EEF2K: variants seen among roughly 807,000 people sequenced by gnomAD.
EEF2K encodes the protein alternative protein EEF2K.
EEF2K carries 70 observed loss-of-function variants against 93.8 expected under a neutral mutation model. The ratio of observed to expected loss-of-function variants is 0.75; its 90% CI spans 0.62 to 0.91. The LOEUF is 0.91. Among genes scored for constraint, EEF2K ranks in the 40% least tolerant of loss-of-function variants. EEF2K has a pLI of 0.00. For missense variants in EEF2K, 935 were observed against 972.9 expected, an observed-to-expected ratio of 0.96 and a Z score of 0.52; for synonymous variants, 376 against 380.8, an observed-to-expected ratio of 0.99 and a Z score of 0.15.
In EEF2K at chr16:22,266,526, TA is replaced by T; in HGVS notation, c.1575+3del. 1 of 1,614,096 alleles carries T rather than the reference TA, an allele frequency of 6.2e-7. No individual in the cohort carries two copies. Among genetic ancestry groups the T allele is most frequent in the Non-Finnish European group, 8.5e-7 (1 of 1,179,982 alleles). On this transcript the variant is annotated splice_donor_region_variant and intron_variant, in intron 14 of 17. Transcript: ENST00000263026. ...ATCGGGAAGTCCATTTTGGGGAAGG[TA>T]TCGGCGATGCCCATTTTGGAGCCCT...
chr16:22,261,597 C>T (rs1015142273), intron 11 of EEF2K, among the ~76,000 whole-genome samples: 3 of 147,974 alleles, frequency 2.0e-5, no homozygotes, highest in East Asian at 2.0e-4. Flanking sequence ...GGCTGAGGCA[C>T]GAGAATTTCT....
In EEF2K at chr16:22,266,914, G is replaced by A. The variant is rs1243389002; in HGVS notation, c.1764+38G>A. The A allele has an allele frequency of 1.9e-6, 3 of 1,571,000 alleles. No individual in the cohort carries two copies. The Admixed American group carries it at 5.3e-5, about 28-fold the overall frequency. On this transcript the variant is annotated intron_variant, in intron 15 of 17. Transcript: ENST00000263026. ...CGGGGACCCAGCTGCAGGTGGGGGT[G>A]GGACTTGGTCACCCTGTGGTTCACC...
At chr16:22,241,490 C>A (rs1428881492) in intron 2 of EEF2K, among the ~76,000 whole-genome samples, 2 of 151,406 alleles carry the variant, frequency 1.3e-5, no homozygotes, top group Non-Finnish European at 2.9e-5. Flanking sequence ...ACTAAAAATA[C>A]AAAAATTAGC....
At chr16:22,270,965 G>GT (rs2047574851) in intron 15 of EEF2K, among the ~76,000 whole-genome samples, 1 of 142,794 alleles carries the variant, frequency 7.0e-6, no homozygotes, top group Non-Finnish European at 1.5e-5. Context: ...TACATATTTT[G>GT]TTTTTCTTTT....
rs1352530309 is a variant in EEF2K, at chr16:22,256,957, C to G, written c.768+60C>G. 4.4e-6 allele frequency: 7 copies of G among 1,598,696 alleles called. No homozygotes were observed. In the Admixed American group the frequency reaches 6.8e-5, roughly 15 times the overall value. On this transcript the variant is annotated intron_variant, in intron 7 of 17. Transcript: ENST00000263026. ...ACAGCCCTTGGGGTGAGATCCTGGC[C>G]AGGCTCAGCCCCTAAAGAGGAAGGT...
At chr16:22,211,570 A>G (rs1051835535) in intron 1 of EEF2K, among the ~76,000 whole-genome samples, 1 of 151,924 alleles carries the variant, frequency 6.6e-6, no homozygotes, top group African/African-American at 2.4e-5. Context: ...AGTGATTCTC[A>G]TGCTTCAGCC....
In EEF2K at chr16:22,286,623, A is replaced by G. The variant is rs1289509099; in HGVS notation, c.*2627A>G. On this transcript the variant is annotated 3_prime_UTR_variant, in exon 18 of 18. Transcript: ENST00000263026. Reference sequence around the variant, plus strand: ...GTGGCTGGTGTTCCAATAAAACTTTATTTACACAAACGGGTGGCCCTTTTG... The same window carrying G: ...GTGGCTGGTGTTCCAATAAAACTTTGTTTACACAAACGGGTGGCCCTTTTG... 1 of 152,192 alleles carries G rather than the reference A, an allele frequency of 6.6e-6. No homozygotes were observed. Among genetic ancestry groups the G allele is most frequent in the African/African-American group, 2.4e-5 (1 of 41,440 alleles). The allele number at this position is 152,192 out of a possible 1,614,324, so 9.4% of individuals were successfully genotyped here.
At chr16:22,219,627 C>CA (rs1461996018) in intron 1 of EEF2K, among the ~76,000 whole-genome samples, 6 of 151,956 alleles carry the variant, frequency 3.9e-5, no homozygotes, top group Non-Finnish European at 5.9e-5. Flanking sequence ...GACCCTTTCT[C>CA]AAAAAATAAA....
In EEF2K at chr16:22,266,446, T is replaced by C. The variant is rs1041817152; in HGVS notation, c.1497T>C (p.Ala499=). 3.1e-6 allele frequency: 5 copies of C among 1,614,054 alleles called. No individual in the cohort carries two copies. In the African/African-American group the frequency reaches 5.3e-5, roughly 17 times the overall value. Residue 499 remains alanine, a synonymous_variant, in exon 14 of 18, where the codon GCT becomes GCC. Transcript: ENST00000263026. The part of the protein sequence containing the change: ...LNSSRLHLPR[A]SAVALEVQRL... ...CCTCCCGCCTCCACCTGCCGAGGGC[T>C]TCGGCCGTGGCCCTGGAAGTGCAAA... is the stretch of plus-strand genomic sequence containing the variant.
intron 2 of EEF2K, among the ~76,000 whole-genome samples, chr16:22,239,546 C>T (rs2047200766): frequency 2.0e-5 from 3 of 152,122 alleles, no homozygotes; most frequent in Non-Finnish European, 4.4e-5. Context: ...CGTGGTGGCT[C>T]ATGCCTGTAA....
intron 15 of EEF2K, among the ~76,000 whole-genome samples, chr16:22,271,715 A>G (rs544357696): frequency 6.6e-6 from 1 of 152,194 alleles, no homozygotes; most frequent in East Asian, 1.9e-4. Flanking sequence ...AAAAAAAAAA[A>G]CAAGAAAAAA....
chr16:22,244,995 C>T (rs1286822012), intron 3 of EEF2K, among the ~76,000 whole-genome samples: 1 of 152,122 alleles, frequency 6.6e-6, no homozygotes, highest in East Asian at 1.9e-4. Flanking sequence ...GGTGAGGTGG[C>T]TCTCACCTGT....
In EEF2K at chr16:22,251,726, C is replaced by T. The variant is rs532747451; in HGVS notation, c.618+404C>T. ...AGGTGTGAGCCACCATACCTGGCCT[C>T]TTTCACCTTCTTAATAGTAGCTAAT... On this transcript the variant is annotated intron_variant, in intron 6 of 17. Transcript: ENST00000263026. 9.7e-4 allele frequency among the ~76,000 whole-genome samples: 147 copies of T among 151,658 alleles called. 1 individual carries two copies. The highest frequency in any genetic ancestry group is 3.4e-3 in the Middle Eastern group (1 of 290).
chr16:22,257,132 T>G, intron 7 of EEF2K, 121 bp from the exon 8 acceptor site: 1 of 1,532,126 alleles, frequency 6.5e-7, no homozygotes, highest in South Asian at 1.2e-5. Context: ...TTTTCCTTTG[T>G]CTTTTCCTCT....
intron 2 of EEF2K, among the ~76,000 whole-genome samples, chr16:22,235,725 TG>T (rs1194565677): frequency 6.6e-6 from 1 of 152,150 alleles, no homozygotes; most frequent in East Asian, 1.9e-4. Context: ...CTCGAACTCC[TG>T]ACGTCAGGTG....
At chr16:22,217,160 C>CAAAAAAAA (rs59262131) in intron 1 of EEF2K, among the ~76,000 whole-genome samples, 1 of 76,498 alleles carries the variant, frequency 1.3e-5, no homozygotes, top group Non-Finnish European at 2.6e-5. Flanking sequence ...GACCCTGTCT[C>CAAAAAAAA]AAAAAAAAAA....
intron 6 of EEF2K, among the ~76,000 whole-genome samples, chr16:22,254,574 G>A (rs1342546277): frequency 6.6e-6 from 1 of 152,122 alleles, no homozygotes; most frequent in East Asian, 1.9e-4. Flanking sequence ...GCAAGCTAGA[G>A]TCCCTAATCT....
chr16:22,256,798 G>C lies in EEF2K; in HGVS notation c.669G>C (p.Lys223Asn). 6.2e-7 allele frequency: 1 copy of C among 1,614,154 alleles called. No homozygotes were observed. The change falls in exon 7 of 18, where the codon AAG becomes AAC. Residue 223 changes from lysine (K) to asparagine (N), a missense_variant. Lys to Asn is a moderately conservative substitution (Grantham distance 94). Transcript: ENST00000263026. The stretch of plus-strand genomic sequence containing the variant: ...TCGAGCTGAAGGACAGACCGGGCAA[G>C]CCCCTCTTCCACCTGGAGCACTACA... ...CIIELKDRPGKPLFHLEHYIE... is the reference protein window; with the variant it reads ...CIIELKDRPGNPLFHLEHYIE...
chr16:22,251,012 C>G, intron 5 of EEF2K, 139 bp from the exon 6 acceptor site: 1 of 1,055,612 alleles, frequency 9.5e-7, no homozygotes, highest in South Asian at 1.5e-5. Context: ...TGGGGACGTC[C>G]TTCTTACCTC....
Sources: allele counts gnomAD v4.1 joint callset (sites outside exome capture counted in the v4.1 genomes callset), GRCh38; gene constraint gnomAD v4.1.1; transcripts MANE v1.5; gene names NCBI Gene and HGNC (gene_info 2026-07-23, HGNC 2026-07-21).